Variants in LGSN observed in about 807,000 individuals in gnomAD.
The protein encoded by LGSN is lengsin.
Under a neutral mutation model 19.5 loss-of-function variants are expected in LGSN, and 21 were observed. That is an observed-to-expected ratio of 1.07 (90% CI 0.76 to 1.55). The LOEUF (loss-of-function observed/expected upper bound fraction) is 1.55, where lower values mean the gene tolerates loss of function less well. Ranked by LOEUF, LGSN falls within the 40% of genes most tolerant of loss-of-function variation. The pLI is 0.00. For synonymous variants in LGSN, 257 were observed against 215.6 expected, an observed-to-expected ratio of 1.19 and a Z score of -1.68; for missense variants, 673 against 608.5, an observed-to-expected ratio of 1.11 and a Z score of -1.12.
the LGSN span, among the ~76,000 whole-genome samples, chr6:63,375,080 G>T: frequency 6.6e-6 from 1 of 152,158 alleles, no homozygotes; most frequent in Non-Finnish European, 1.5e-5. Context: ...TGATGTCATT[G>T]TTGATTTTCC....
chr6:63,565,448 A>T, the LGSN span, among the ~76,000 whole-genome samples: 1 of 149,674 alleles, frequency 6.7e-6, no homozygotes, highest in Admixed American at 6.7e-5. Context: ...AATAGACTTT[A>T]AAAAAAAAAG....
At chr6:63,454,544 C>T in the LGSN span, among the ~76,000 whole-genome samples, 1 of 145,914 alleles carries the variant, frequency 6.9e-6, no homozygotes, top group East Asian at 2.0e-4. Context: ...GTGATCTCAG[C>T]TCACTGCAAC....
the LGSN span, chr6:63,395,954 T>G: frequency 6.5e-6 from 1 of 154,162 alleles, no homozygotes; most frequent in South Asian, 2.0e-4. Flanking sequence ...CCTCCGCTAC[T>G]TGGGTCTGCA....
chr6:63,336,282 T>C, the LGSN span, among the ~76,000 whole-genome samples: 2 of 152,290 alleles, frequency 1.3e-5, no homozygotes, highest in Non-Finnish European at 1.5e-5. Flanking sequence ...ACTTGGATAA[T>C]TGATACCTTA....
At chr6:63,284,407 T>G (rs900971996) in intron 3 of LGSN, among the ~76,000 whole-genome samples, 8 of 152,192 alleles carry the variant, frequency 5.3e-5, no homozygotes, top group Non-Finnish European at 1.5e-5. Context: ...GTATGCAGAA[T>G]TTTTCTCTTT....
At chr6:63,466,373 C>T in the LGSN span, among the ~76,000 whole-genome samples, 1 of 152,186 alleles carries the variant, frequency 6.6e-6, no homozygotes, top group Non-Finnish European at 1.5e-5. Context: ...CATCCTCCTG[C>T]CTCAGCCTCC....
chr6:63,378,817 G>A, the LGSN span, among the ~76,000 whole-genome samples: 4 of 152,080 alleles, frequency 2.6e-5, no homozygotes, highest in East Asian at 1.9e-4. Flanking sequence ...CACAGTCCCC[G>A]CCTCTGACAC....
the LGSN span, among the ~76,000 whole-genome samples, chr6:63,480,747 CTGAAAGTAAAT>C: frequency 1.3e-5 from 2 of 149,532 alleles, no homozygotes; most frequent in Non-Finnish European, 3.0e-5. Context: ...CTTTAAAGAA[CTGAAAGTAAAT>C]TTACCATTTG....
the LGSN span, among the ~76,000 whole-genome samples, chr6:63,434,045 CA>C: frequency 3.3e-5 from 5 of 152,256 alleles, no homozygotes; most frequent in Admixed American, 3.3e-4. Flanking sequence ...GGACCAAGAA[CA>C]ACTAGGAACC....
Position 63,281,170 on chromosome 6 carries a change from T to C in LGSN, c.381A>G (p.Ile127Met), listed in dbSNP as rs1689254089. 2 of 1,613,266 alleles carry C rather than the reference T, an allele frequency of 1.2e-6. No homozygotes were observed. Among genetic ancestry groups the C allele is most frequent in the South Asian group, 1.1e-5 (1 of 91,012 alleles). Residue 127 changes from isoleucine (I) to methionine (M), a missense_variant, in exon 4 of 4, where the codon ATA becomes ATG. Transcript: ENST00000370657. Reference protein sequence around the residue: ...VCMPRGYLEVIPNPKDNEMNN... With the variant: ...VCMPRGYLEVMPNPKDNEMNN... ...TCATTTCATTGTCCTTTGGATTTGG[T>C]ATCACTTCAAGATAACCTCGGGGCA...
chr6:63,348,947 T>C, the LGSN span, among the ~76,000 whole-genome samples: 2 of 152,084 alleles, frequency 1.3e-5, no homozygotes. Context: ...AACAAGTTAA[T>C]GCAAAGTTCT....
the LGSN span, among the ~76,000 whole-genome samples, chr6:63,407,942 G>A: frequency 4.6e-5 from 7 of 152,098 alleles, no homozygotes; most frequent in Non-Finnish European, 8.8e-5. Flanking sequence ...GCTTCAAAGA[G>A]AATAAAATAC....
chr6:63,378,979 AC>A, the LGSN span, among the ~76,000 whole-genome samples: 3 of 152,218 alleles, frequency 2.0e-5, no homozygotes, highest in African/African-American at 7.2e-5. Context: ...TGGATTTAGA[AC>A]TTTTTGCAGC....
chr6:63,543,919 C>G, the LGSN span, among the ~76,000 whole-genome samples: 1 of 152,158 alleles, frequency 6.6e-6, no homozygotes, highest in African/African-American at 2.4e-5. Context: ...CCTTGTTATT[C>G]TGTTTTTAAG....
chr6:63,525,971 T>C, the LGSN span, among the ~76,000 whole-genome samples: 2 of 152,148 alleles, frequency 1.3e-5, no homozygotes, highest in African/African-American at 4.8e-5. Flanking sequence ...AAACCTTCTT[T>C]CGGTACCAGT....
chr6:63,327,113 CTGCAGTTGTAGTG>C, the LGSN span, among the ~76,000 whole-genome samples: 3 of 152,214 alleles, frequency 2.0e-5, no homozygotes, highest in Non-Finnish European at 1.5e-5. Flanking sequence ...AGAAGGGGCC[CTGCAGTTGTAGTG>C]TCCTTCAGAG....
the LGSN span, among the ~76,000 whole-genome samples, chr6:63,534,856 A>AGAAT: frequency 6.6e-6 from 1 of 150,656 alleles, no homozygotes. Context: ...TCTGTACTAA[A>AGAAT]TTCTTTACTA....
chr6:63,562,190 ATTTTCT>A, the LGSN span, among the ~76,000 whole-genome samples: 1 of 146,064 alleles, frequency 6.8e-6, no homozygotes, highest in Non-Finnish European at 1.5e-5. Flanking sequence ...ACATTAAGAT[ATTTTCT>A]TTTTCTTTTT....
At chr6:63,501,942 C>T in the LGSN span, among the ~76,000 whole-genome samples, 1 of 152,180 alleles carries the variant, frequency 6.6e-6, no homozygotes, top group African/African-American at 2.4e-5. Flanking sequence ...ACTATAGGCA[C>T]ACACCACCAC....
Sources: allele counts gnomAD v4.1 joint callset (sites outside exome capture counted in the v4.1 genomes callset), GRCh38; gene constraint gnomAD v4.1.1; transcripts MANE v1.5; gene names NCBI Gene and HGNC (gene_info 2026-07-23, HGNC 2026-07-21).